Variants in TLK1 observed in about 807,000 individuals in gnomAD.
The protein encoded by TLK1 is tousled like kinase 1, also known as serine/threonine-protein kinase tousled-like 1.
Under a neutral mutation model 105.3 loss-of-function variants are expected in TLK1, and 24 were observed. That is an observed-to-expected ratio of 0.23 (90% CI 0.17 to 0.32). The LOEUF (loss-of-function observed/expected upper bound fraction) is 0.32. Among genes scored for constraint, TLK1 ranks in the 10% least tolerant of loss-of-function variants. The probability of loss-of-function intolerance (pLI) is 1.00; values close to 1 mark genes in which losing one functional copy is unlikely to be tolerated. For synonymous variants in TLK1, 321 were observed against 310.4 expected, an observed-to-expected ratio of 1.03 and a Z score of -0.36; for missense variants, 558 against 910.5, an observed-to-expected ratio of 0.61 and a Z score of 4.98.
At chr2:171,014,969 C>T (rs779835599) in intron 12 of TLK1, 21 bp from the exon 13 acceptor site, 3 of 1,528,064 alleles carry the variant, frequency 2.0e-6, no homozygotes, top group Admixed American at 3.4e-5. Flanking sequence ...AGAGAGGGGA[C>T]TATAACAAGC....
intron 12 of TLK1, among the ~76,000 whole-genome samples, chr2:171,016,190 G>T (rs955492042): frequency 6.6e-6 from 1 of 152,156 alleles, no homozygotes; most frequent in Non-Finnish European, 1.5e-5. Flanking sequence ...CACTCAGGCT[G>T]GAGCGCAGTG....
chr2:171,160,897 A>C, upstream of TLK1: 1 of 277,488 alleles, frequency 3.6e-6, no homozygotes, highest in Non-Finnish European at 6.6e-6. This position sits in a 1 kb window ranked among gnomAD's most constrained non-coding sequence, Gnocchi z 4.4. Context: ...CCTCTGCATC[A>C]GTTACAGGCG....
intron 1 of TLK1, among the ~76,000 whole-genome samples, chr2:171,131,496 G>T (rs1691105526): frequency 6.6e-6 from 1 of 152,132 alleles, no homozygotes; most frequent in South Asian, 2.1e-4. Context: ...GTTGGCCTCA[G>T]ATTAACACCA....
rs144615519 is a variant in TLK1, at chr2:171,146,737, T to C, written c.139+13553A>G. The stretch of plus-strand genomic sequence containing the variant: ...GGAGGAAAACTGTGTAACTCCCTTC[T>C]GTAGGGAGTACTTTGTTCACAACCT... On this transcript the variant is annotated intron_variant, in intron 1 of 20. Coordinates refer to ENST00000431350, the MANE Select transcript of TLK1 (RefSeq NM_012290.5). Among the ~76,000 whole-genome samples the C allele has an allele frequency of 1.2e-4, 19 of 152,360 alleles. No homozygotes were observed. In the East Asian group the frequency reaches 2.5e-3, roughly 20 times the overall value.
chr2:171,042,666 C>A (rs1295949312), intron 11 of TLK1, among the ~76,000 whole-genome samples: 4 of 148,546 alleles, frequency 2.7e-5, no homozygotes, highest in Non-Finnish European at 5.9e-5. Context: ...CAAGTATGCA[C>A]AAAATATCAT....
chr2:171,052,125 T>C (rs1262774159), intron 8 of TLK1, among the ~76,000 whole-genome samples: 2 of 152,062 alleles, frequency 1.3e-5, no homozygotes, highest in African/African-American at 4.8e-5. Flanking sequence ...CCCGGAGTGA[T>C]GGCATGAGCC....
chr2:171,192,316 A>C (rs557464185), intron 1 of TLK1, among the ~76,000 whole-genome samples: 61 of 152,314 alleles, frequency 4.0e-4, no homozygotes, highest in African/African-American at 1.2e-3. Context: ...GGTGTGAGCC[A>C]CCGGGACTGA....
chr2:171,128,081 A>T (rs1371836449), intron 1 of TLK1, among the ~76,000 whole-genome samples: 1 of 152,144 alleles, frequency 6.6e-6, no homozygotes, highest in Non-Finnish European at 1.5e-5. Context: ...TAATCTTTTT[A>T]ATATAATTGG....
chr2:171,157,311 T>C (rs1037059575), intron 1 of TLK1, among the ~76,000 whole-genome samples: 2 of 152,238 alleles, frequency 1.3e-5, no homozygotes, highest in African/African-American at 4.8e-5. Flanking sequence ...ACTAGGTTCC[T>C]AGACTTCAAC....
intron 2 of TLK1, among the ~76,000 whole-genome samples, chr2:171,111,751 G>A (rs1391426274): frequency 1.3e-5 from 2 of 152,154 alleles, no homozygotes; most frequent in African/African-American, 4.8e-5. Context: ...TAATGTGATA[G>A]TGAATTATAA....
At chr2:171,029,009 T>G (rs539851552) in intron 11 of TLK1, among the ~76,000 whole-genome samples, 1 of 152,208 alleles carries the variant, frequency 6.6e-6, no homozygotes, top group South Asian at 2.1e-4. Flanking sequence ...ATTCTAGACA[T>G]GAGTTATAGA....
chr2:171,051,215 A>T (rs2356372), intron 8 of TLK1, among the ~76,000 whole-genome samples: 139,740 of 152,142 alleles, frequency 0.92, 65,238 homozygotes, highest in East Asian at 1. Flanking sequence ...ATAGCCAAAA[A>T]GAAGAAGAGG....
At chr2:171,041,405 T>C (rs1318159262) in intron 11 of TLK1, among the ~76,000 whole-genome samples, 1 of 152,180 alleles carries the variant, frequency 6.6e-6, no homozygotes, top group East Asian at 1.9e-4. Flanking sequence ...CCTAAAGTCC[T>C]ACCCACCACA....
At chr2:171,066,761 A>G in intron 3 of TLK1, 1 of 1,398,958 alleles carries the variant, frequency 7.1e-7, no homozygotes, top group Non-Finnish European at 9.7e-7. Context: ...TTCTCTGGCT[A>G]TCCCTTTAAG....
chr2:171,155,912 T>G (rs1692214266), intron 1 of TLK1: 1 of 152,172 alleles, frequency 6.6e-6, no homozygotes, highest in Non-Finnish European at 1.5e-5. Context: ...TTATTAAAAT[T>G]AACAGGTTTT....
chr2:171,007,559 C>G (rs1178379935), intron 14 of TLK1, among the ~76,000 whole-genome samples: 8 of 151,964 alleles, frequency 5.3e-5, no homozygotes. Flanking sequence ...TAAAACTGTT[C>G]AAACATATAC....
intron 1 of TLK1, among the ~76,000 whole-genome samples, chr2:171,195,543 C>G (rs943239883): frequency 6.6e-6 from 1 of 150,562 alleles, no homozygotes; most frequent in South Asian, 2.1e-4. Context: ...CATGGATAAG[C>G]TCTATATTTG....
intron 1 of TLK1, among the ~76,000 whole-genome samples, chr2:171,120,058 C>T (rs1308285534): frequency 6.6e-6 from 1 of 151,858 alleles, no homozygotes; most frequent in Non-Finnish European, 1.5e-5. Context: ...ACTAGCCTGG[C>T]CAACATCTCT....
In TLK1 at chr2:170,991,459, T is replaced by C. The variant is rs1438536725; in HGVS notation, c.*2321A>G. On this transcript the variant is annotated 3_prime_UTR_variant, in exon 21 of 21. Transcript: ENST00000431350. ...TCACTGGCATGTTATTCAAAATCTA[T>C]AACATTTCTTTGGGAAACTTTTAGA... is the stretch of plus-strand genomic sequence containing the variant. The C allele has an allele frequency of 2.6e-5, 4 of 152,218 alleles. No homozygotes were observed. Among genetic ancestry groups the C allele is most frequent in the Non-Finnish European group, 2.9e-5 (2 of 68,018 alleles). 9.4% of individuals were successfully genotyped at this position (152,218 alleles called of 1,614,324 possible).
Sources: gnomAD v4.1 joint callset for allele counts (sites outside exome capture counted in the v4.1 genomes callset) on GRCh38, gnomAD v4.1.1 for gene constraint, Gnocchi (gnomAD v3.1) non-coding constraint, MANE v1.5 for transcripts, NCBI Gene and HGNC (gene_info 2026-07-23, HGNC 2026-07-21) for gene names.